KCTD8: variants seen among roughly 807,000 people sequenced by gnomAD.
KCTD8 encodes the protein BTB/POZ domain-containing protein KCTD8.
A neutral mutation model predicts 31.5 loss-of-function variants in KCTD8; 27 were observed. The ratio of observed to expected loss-of-function variants is 0.86; its 90% CI spans 0.63 to 1.18. The LOEUF is 1.18. Among genes scored for constraint, KCTD8 ranks in the 50% most tolerant of loss-of-function variants. The pLI is 0.00. For synonymous variants in KCTD8, 290 were observed against 280.0 expected, an observed-to-expected ratio of 1.04 and a Z score of -0.36; for missense variants, 658 against 647.7, an observed-to-expected ratio of 1.02 and a Z score of -0.17.
At chr4:44,365,777 T>G (rs958522654) in intron 1 of KCTD8, among the ~76,000 whole-genome samples, 1 of 152,136 alleles carries the variant, frequency 6.6e-6, no homozygotes, top group African/African-American at 2.4e-5. Flanking sequence ...AAATTTATCC[T>G]AAGGAGATAA....
intron 1 of KCTD8, among the ~76,000 whole-genome samples, chr4:44,323,772 TAA>T (rs1416172106): frequency 6.6e-6 from 1 of 151,816 alleles, no homozygotes; most frequent in African/African-American, 2.4e-5. Flanking sequence ...TAATAAGAAA[TAA>T]GTTTGGGCAA....
At chr4:44,175,587 A>C (rs1347708949) in intron 1 of KCTD8, among the ~76,000 whole-genome samples, 1 of 152,348 alleles carries the variant, frequency 6.6e-6, no homozygotes, top group East Asian at 1.9e-4. Flanking sequence ...ATAAAAAAAA[A>C]TGTAATGTTT....
chr4:44,263,436 A>G (rs182576265), intron 1 of KCTD8, among the ~76,000 whole-genome samples: 6 of 152,284 alleles, frequency 3.9e-5, no homozygotes, highest in African/African-American at 1.2e-4. Context: ...AAAAATGGCT[A>G]CTTCTTAATC....
At chr4:44,269,813 G>C (rs923039824) in intron 1 of KCTD8, among the ~76,000 whole-genome samples, 1 of 152,156 alleles carries the variant, frequency 6.6e-6, no homozygotes, top group African/African-American at 2.4e-5. Flanking sequence ...CTGGCCATCA[G>C]AGAAATGCAA....
In KCTD8 at chr4:44,360,378, C is replaced by T. The variant is rs756950173; in HGVS notation, c.961+87185G>A. 2.0e-5 allele frequency among the ~76,000 whole-genome samples: 3 copies of T among 152,040 alleles called. No individual in the cohort carries two copies. The East Asian group carries it at 5.8e-4, about 29-fold the overall frequency. On this transcript the variant is annotated intron_variant, in intron 1 of 1. Transcript: ENST00000360029. ...ATGATTTGCTTTCCATCAGTGCCAT[C>T]CAGGGTAAATAATACAGTCATCTTT... is the stretch of plus-strand genomic sequence containing the variant.
intron 1 of KCTD8, among the ~76,000 whole-genome samples, chr4:44,313,256 G>A (rs1041302107): frequency 1.3e-5 from 2 of 152,158 alleles, no homozygotes; most frequent in Non-Finnish European, 2.9e-5. Context: ...ATCAAATGCA[G>A]GGTGAGCGCC....
chr4:44,231,326 C>A (rs1454810697), intron 1 of KCTD8, among the ~76,000 whole-genome samples: 1 of 152,084 alleles, frequency 6.6e-6, no homozygotes, highest in Non-Finnish European at 1.5e-5. Flanking sequence ...AAAATCAATT[C>A]AGAATGCTAT....
chr4:44,178,037 T>A (rs1713268447), intron 1 of KCTD8, among the ~76,000 whole-genome samples: 1 of 152,164 alleles, frequency 6.6e-6, no homozygotes, highest in African/African-American at 2.4e-5. Flanking sequence ...CAATAAAATT[T>A]GAAAATAAAT....
At chr4:44,295,475 G>A (rs1717402233) in intron 1 of KCTD8, among the ~76,000 whole-genome samples, 1 of 151,844 alleles carries the variant, frequency 6.6e-6, no homozygotes. Context: ...TTAATTGTCA[G>A]TTTCTGGGAA....
rs192626228 is a variant in KCTD8, at chr4:44,408,711, C to A, written c.961+38852G>T. 4.6e-5 allele frequency among the ~76,000 whole-genome samples: 7 copies of A among 152,168 alleles called. No individual in the cohort carries two copies. The East Asian group carries it at 1.4e-3, about 30-fold the overall frequency. ...TCAGCACACTGCAACCTCTGACTCCCAGGTTCCAGCAATTCCTCTGCCTCA... is the reference window on the plus strand; with the variant it reads ...TCAGCACACTGCAACCTCTGACTCCAAGGTTCCAGCAATTCCTCTGCCTCA... On this transcript the variant is annotated intron_variant, in intron 1 of 1. Transcript: ENST00000360029.
chr4:44,326,090 G>A lies in KCTD8; in HGVS notation c.961+121473C>T, dbSNP rs184312305. Among the ~76,000 whole-genome samples the A allele has an allele frequency of 5.3e-5, 8 of 152,034 alleles. No homozygotes were observed. In the East Asian group the frequency reaches 1.4e-3, roughly 26 times the overall value. ...AACACATATCCCTTGTAATGTCATTGCTTCTTCAGTTAGGTTCACAACCTT... is the reference window on the plus strand; with the variant it reads ...AACACATATCCCTTGTAATGTCATTACTTCTTCAGTTAGGTTCACAACCTT... On this transcript the variant is annotated intron_variant, in intron 1 of 1. Coordinates refer to ENST00000360029, the MANE Select transcript of KCTD8 (RefSeq NM_198353.3).
intron 1 of KCTD8, among the ~76,000 whole-genome samples, chr4:44,362,769 A>T (rs1719531327): frequency 1.4e-5 from 2 of 143,574 alleles, no homozygotes; most frequent in East Asian, 2.0e-4. Flanking sequence ...GTTAAAGGTA[A>T]TTTTTTTTTT....
At chr4:44,407,570 G>A (rs530063340) in intron 1 of KCTD8, among the ~76,000 whole-genome samples, 6 of 151,926 alleles carry the variant, frequency 3.9e-5, no homozygotes, top group Admixed American at 2.6e-4. Context: ...ATTTTTAGTA[G>A]AGACGAGGTT....
chr4:44,303,237 ATG>A (rs1717686025), intron 1 of KCTD8, among the ~76,000 whole-genome samples: 1 of 152,126 alleles, frequency 6.6e-6, no homozygotes, highest in African/African-American at 2.4e-5. Flanking sequence ...GCCTCATAAA[ATG>A]AGTTAGGGAG....
rs1008545090 is a variant in KCTD8 at position 44,318,040 on chromosome 4, T to A, written c.961+129523A>T. Among the ~76,000 whole-genome samples the A allele has an allele frequency of 2.6e-5, 4 of 152,250 alleles. No homozygotes were observed. In the South Asian group the frequency reaches 8.3e-4, roughly 31 times the overall value. On this transcript the variant is annotated intron_variant, in intron 1 of 1. Transcript: ENST00000360029. ...GTCTTTGCATTTGCTGACTCTGAAG[T>A]TGAAGCATCTCTGGACTCCCTTGGG...
At chr4:44,309,411 CTG>C (rs923595776) in intron 1 of KCTD8, among the ~76,000 whole-genome samples, 7 of 152,064 alleles carry the variant, frequency 4.6e-5, no homozygotes, top group Admixed American at 4.6e-4. Flanking sequence ...CAATTTAAAA[CTG>C]TCTTAGATTC....
At chr4:44,370,205 G>C (rs1169197033) in intron 1 of KCTD8, among the ~76,000 whole-genome samples, 5 of 152,006 alleles carry the variant, frequency 3.3e-5, no homozygotes, top group Non-Finnish European at 4.4e-5. Flanking sequence ...AGAGAAAATG[G>C]GGTTACTTCC....
chr4:44,340,208 G>A (rs1220820339), intron 1 of KCTD8, among the ~76,000 whole-genome samples: 1 of 151,890 alleles, frequency 6.6e-6, no homozygotes, highest in African/African-American at 2.4e-5. Flanking sequence ...CTTGCCCAAG[G>A]TAAATAAAAA....
intron 1 of KCTD8, among the ~76,000 whole-genome samples, chr4:44,405,817 CAAAAAAAAAAAA>C: frequency 3.1e-5 from 1 of 32,246 alleles, no homozygotes; most frequent in African/African-American, 1.3e-4. Context: ...TCCTGTTTCT[CAAAAAAAAAAAA>C]AAAAAAAAAA....
Sources: gnomAD v4.1 joint callset for allele counts (sites outside exome capture counted in the v4.1 genomes callset) on GRCh38, gnomAD v4.1.1 for gene constraint, MANE v1.5 for transcripts, NCBI Gene and HGNC (gene_info 2026-07-23, HGNC 2026-07-21) for gene names.